The following STPG2 variants were observed in gnomAD, a reference collection of about 807,000 sequenced individuals.
STPG2 encodes sperm-tail PG-rich repeat-containing protein 2.
In STPG2, 56 loss-of-function variants were observed where a neutral mutation model predicts 54.2. The ratio of observed to expected loss-of-function variants is 1.03; its 90% CI spans 0.83 to 1.29. The LOEUF (loss-of-function observed/expected upper bound fraction) is 1.29. Among genes scored for constraint, STPG2 ranks in the 50% most tolerant of loss-of-function variants. The probability of loss-of-function intolerance (pLI) is 0.00; values close to 1 mark genes in which losing one functional copy is unlikely to be tolerated. For synonymous variants in STPG2, 200 were observed against 181.8 expected (o/e 1.10, Z -0.81); for missense variants, 596 against 544.9 (o/e 1.09, Z -0.93).
At chr4:97,955,909 A>T in intron 7 of STPG2, among the ~76,000 whole-genome samples, 1 of 152,208 alleles carries the variant, frequency 6.6e-6, no homozygotes. Flanking sequence ...AAATAACAAA[A>T]TACATTTCAG....
intron 9 of STPG2, among the ~76,000 whole-genome samples, chr4:97,755,462 A>G (rs1280935868): frequency 6.6e-6 from 1 of 152,156 alleles, no homozygotes; most frequent in African/African-American, 2.4e-5. Context: ...TTACACTCAC[A>G]TATGCTTATT....
chr4:97,492,040 A>C (rs1405321933), intron 4 of STPG2, among the ~76,000 whole-genome samples: 1 of 151,468 alleles, frequency 6.6e-6, no homozygotes, highest in African/African-American at 2.4e-5. Context: ...CCAATAAAGT[A>C]TGATTTACAA....
chr4:97,453,464 C>T (rs532172355), intron 4 of STPG2, among the ~76,000 whole-genome samples: 2 of 152,262 alleles, frequency 1.3e-5, no homozygotes, highest in Non-Finnish European at 2.9e-5. Flanking sequence ...GCCCAGCGGG[C>T]CTGAGCAAAA....
intron 8 of STPG2, among the ~76,000 whole-genome samples, chr4:97,891,737 G>A (rs1730777436): frequency 6.6e-6 from 1 of 151,962 alleles, no homozygotes; most frequent in South Asian, 2.1e-4. Flanking sequence ...TTCTAGTCTT[G>A]TTTTTTGAAG....
intron 6 of STPG2, among the ~76,000 whole-genome samples, chr4:97,978,749 T>C (rs1734574721): frequency 6.6e-6 from 1 of 152,186 alleles, no homozygotes; most frequent in South Asian, 2.1e-4. Flanking sequence ...ATTTCCTAGA[T>C]TTGAAAATAA....
intron 4 of STPG2, among the ~76,000 whole-genome samples, chr4:97,514,874 T>C (rs964371257): frequency 1.3e-5 from 2 of 152,084 alleles, no homozygotes; most frequent in Non-Finnish European, 2.9e-5. Context: ...GGGGTACCAA[T>C]TGGTATATCT....
chr4:97,845,950 A>G (rs1016682243), intron 8 of STPG2, among the ~76,000 whole-genome samples: 1 of 152,182 alleles, frequency 6.6e-6, no homozygotes, highest in African/African-American at 2.4e-5. Context: ...GGGTCTTTTG[A>G]AAGTCACATA....
At chr4:97,764,271 C>T (rs889470410) in intron 9 of STPG2, among the ~76,000 whole-genome samples, 1 of 152,012 alleles carries the variant, frequency 6.6e-6, no homozygotes, top group Non-Finnish European at 1.5e-5. Context: ...AGAACAGATT[C>T]CATCTTATAC....
In STPG2 at chr4:97,443,803, A is replaced by G. The variant is rs115526238; in HGVS notation, c.463-255970T>C. On this transcript the variant is annotated intron_variant, in intron 4 of 4. Coordinates refer to the STPG2 transcript ENST00000522676. ...TTTCATGAGCAATATTCTACATTTGATCAAACTTACTAGGCATGTCAGGAG... is the reference window on the plus strand; with the variant it reads ...TTTCATGAGCAATATTCTACATTTGGTCAAACTTACTAGGCATGTCAGGAG... Among the ~76,000 whole-genome samples the G allele has an allele frequency of 7.4e-3, 1,134 of 152,298 alleles. 14 individuals are homozygous for G. Among genetic ancestry groups the G allele is most frequent in the African/African-American group, 0.024 (1,008 of 41,558 alleles).
intron 10 of STPG2, among the ~76,000 whole-genome samples, chr4:97,579,803 T>C (rs1022029518): frequency 2.0e-5 from 3 of 152,030 alleles, no homozygotes; most frequent in African/African-American, 7.2e-5. Context: ...TGCACACTAA[T>C]TGAGGTAAAC....
intron 10 of STPG2, among the ~76,000 whole-genome samples, chr4:97,637,338 T>C (rs1721586167): frequency 6.6e-6 from 1 of 152,182 alleles, no homozygotes; most frequent in African/African-American, 2.4e-5. Flanking sequence ...TGATGGGACA[T>C]ATTTCAAAAT....
chr4:98,024,083 A>G (rs532160746), intron 5 of STPG2, among the ~76,000 whole-genome samples: 2 of 152,236 alleles, frequency 1.3e-5, no homozygotes, highest in Admixed American at 1.3e-4. Context: ...TGAACCTGGT[A>G]CCTCAGATGG....
intron 10 of STPG2, among the ~76,000 whole-genome samples, chr4:97,614,798 C>T (rs557633903): frequency 6.6e-6 from 1 of 152,096 alleles, no homozygotes; most frequent in Non-Finnish European, 1.5e-5. Flanking sequence ...TAGGGTCCAA[C>T]AGTTTTGATA....
chr4:97,658,157 G>C (rs1053135225), intron 10 of STPG2, among the ~76,000 whole-genome samples: 1 of 152,162 alleles, frequency 6.6e-6, no homozygotes, highest in Non-Finnish European at 1.5e-5. Flanking sequence ...AATATTTCAA[G>C]TGATAAAGAA....
chr4:97,759,996 C>T (rs1373243846), intron 9 of STPG2, among the ~76,000 whole-genome samples: 1 of 152,124 alleles, frequency 6.6e-6, no homozygotes, highest in Non-Finnish European at 1.5e-5. Context: ...TCTCATGGCA[C>T]ACCAAGATCA....
In STPG2 at chr4:97,481,614, C is replaced by T. The variant is rs552381584; in HGVS notation, c.462+231085G>A. Among the ~76,000 whole-genome samples the T allele has an allele frequency of 5.3e-5, 8 of 151,486 alleles. No homozygotes were observed. In the South Asian group the frequency reaches 1.0e-3, roughly 20 times the overall value. On this transcript the variant is annotated intron_variant, in intron 4 of 4. Transcript: ENST00000522676. ...TTTTTATACATTCTGATGCTATTAT[C>T]GGTGGCACAATTTCAACTTCAAATT...
At chr4:97,780,003 C>T (rs181655059) in intron 9 of STPG2, among the ~76,000 whole-genome samples, 1 of 149,984 alleles carries the variant, frequency 6.7e-6, no homozygotes, top group African/African-American at 2.5e-5. Context: ...AACATCGATG[C>T]TAGGAAGAAA....
chr4:98,110,879 T>C (rs1402575146), intron 3 of STPG2, among the ~76,000 whole-genome samples: 1 of 152,080 alleles, frequency 6.6e-6, no homozygotes, highest in Non-Finnish European at 1.5e-5. Flanking sequence ...TAAGCAATAA[T>C]AATGCAGTAA....
chr4:97,474,729 G>T (rs1730029794), intron 4 of STPG2, among the ~76,000 whole-genome samples: 1 of 151,320 alleles, frequency 6.6e-6, no homozygotes, highest in African/African-American at 2.4e-5. Flanking sequence ...GCTCACTGAA[G>T]CCAGTAGAAA....
Sources: gnomAD v4.1 joint callset for allele counts (sites outside exome capture counted in the v4.1 genomes callset) on GRCh38, gnomAD v4.1.1 for gene constraint, MANE v1.5 for transcripts, NCBI Gene and HGNC (gene_info 2026-07-23, HGNC 2026-07-21) for gene names.